The following GARS1 variants were observed in gnomAD, a reference collection of about 807,000 sequenced individuals.
GARS1 encodes glycine--tRNA ligase.
GARS1 carries 46 observed loss-of-function variants against 86.4 expected under a neutral mutation model. The observed-to-expected ratio is 0.53, with a 90% confidence interval of 0.42 to 0.68. The LOEUF is 0.68. GARS1 is among the 30% of genes least tolerant of loss of function. The pLI, the probability that GARS1 is intolerant of heterozygous loss-of-function variation, is 0.00. For missense variants in GARS1, 797 were observed against 915.6 expected, an observed-to-expected ratio of 0.87 and a Z score of 1.67; for synonymous variants, 342 against 329.8, an observed-to-expected ratio of 1.04 and a Z score of -0.40.
At position 30,632,183 on chromosome 7, in the gene GARS1, G is replaced by A. The variant is rs535256516; in HGVS notation, c.1904-64G>A. Reference sequence around the variant, plus strand: ...AGTCTCCTGAGCTTGTAAGACAGTAGTTAGATAACACTGGGCTTAACTCCA... The same window carrying A: ...AGTCTCCTGAGCTTGTAAGACAGTAATTAGATAACACTGGGCTTAACTCCA... On this transcript the variant is annotated intron_variant, in intron 15 of 16. Transcript: ENST00000389266. The surrounding 1 kb of genome is among the most constrained non-coding windows in gnomAD (Gnocchi z 4.1). 71 of 1,496,290 alleles carry A rather than the reference G, an allele frequency of 4.7e-5. 1 individual carries two copies. The highest frequency in any genetic ancestry group is 3.4e-4 in the Middle Eastern group (2 of 5,866). 92.7% of individuals were successfully genotyped at this position (1,496,290 alleles called of 1,614,324 possible). A position where few individuals can be genotyped will look rare whatever the true frequency, so the allele number is the denominator to read the frequency against.
At position 30,621,412 on chromosome 7, in the gene GARS1, G is replaced by C. The variant is rs924595179; in HGVS notation, c.1379G>C (p.Gly460Ala). 14 of 1,614,042 alleles carry C rather than the reference G, an allele frequency of 8.7e-6. No homozygotes were observed. The highest frequency in any genetic ancestry group is 1.2e-5 in the Non-Finnish European group (14 of 1,179,958). Residue 460 changes from glycine to alanine, a missense_variant, in exon 11 of 17, where the codon GGA (glycine) becomes GCA (alanine). Physicochemically the swap from Gly to Ala is moderately conservative, Grantham distance 60. Transcript: ENST00000389266. Reference protein sequence around the residue: ...KTSYGWIEIVGCADRSCYDLS... With the variant: ...KTSYGWIEIVACADRSCYDLS... ...TTTTAGGGTTGGATTGAGATTGTTG[G>C]ATGTGCTGATCGTTCCTGTTATGAC...
At chr7:30,623,708 T>C (rs1423578895) in intron 12 of GARS1, among the ~76,000 whole-genome samples, 1 of 152,010 alleles carries the variant, frequency 6.6e-6, no homozygotes, top group Non-Finnish European at 1.5e-5. Context: ...ACGCTAAAAC[T>C]ACAGATTCAA....
chr7:30,600,817 T>A (rs1219038564), intron 3 of GARS1, among the ~76,000 whole-genome samples: 1 of 152,228 alleles, frequency 6.6e-6, no homozygotes, highest in East Asian at 1.9e-4. Flanking sequence ...GGGGAACTTT[T>A]GTTGTAGATT....
chr7:30,602,018 G>A (rs918745800), intron 4 of GARS1, among the ~76,000 whole-genome samples: 50 of 150,528 alleles, frequency 3.3e-4, no homozygotes, highest in Non-Finnish European at 5.8e-4. Flanking sequence ...TCCTGACCTC[G>A]TGATCCGCCC....
intron 6 of GARS1, among the ~76,000 whole-genome samples, chr7:30,606,081 G>A (rs977453137): frequency 6.6e-6 from 1 of 151,920 alleles, no homozygotes; most frequent in South Asian, 2.1e-4. Context: ...GGCTAATTAC[G>A]TTATTGTAGT....
chr7:30,601,734 A>G (rs1791380851), intron 4 of GARS1, among the ~76,000 whole-genome samples: 1 of 152,192 alleles, frequency 6.6e-6, no homozygotes, highest in Non-Finnish European at 1.5e-5. Context: ...TCAATGCAGA[A>G]ACTTAGATTA....
chr7:30,603,173 A>G lies in GARS1; in HGVS notation c.658+51A>G, dbSNP rs552204599. ...AGGATTGATCAAAATAAAAGGTTTA[A>G]ACTTTCTCTCAGATGTCTTTCATTA... On this transcript the variant is annotated intron_variant, in intron 5 of 16. Transcript: ENST00000389266. 4.6e-5 allele frequency: 68 copies of G among 1,462,528 alleles called. 1 individual carries two copies. The highest frequency in any genetic ancestry group is 3.3e-4 in the South Asian group (29 of 87,842). 90.6% of individuals were successfully genotyped at this position (1,462,528 alleles called of 1,614,324 possible). A position where few individuals can be genotyped will look rare whatever the true frequency, so the allele number is the denominator to read the frequency against.
intron 9 of GARS1, among the ~76,000 whole-genome samples, chr7:30,616,822 A>G (rs1245646084): frequency 6.6e-6 from 1 of 152,168 alleles, no homozygotes; most frequent in African/African-American, 2.4e-5. Context: ...TGTTTTTAGT[A>G]CTGTAGATTT....
chr7:30,623,990 A>G (rs1483375035), intron 12 of GARS1, among the ~76,000 whole-genome samples: 1 of 152,240 alleles, frequency 6.6e-6, no homozygotes, highest in African/African-American at 2.4e-5. Context: ...AAGAGGAAGT[A>G]CTTTAAGACC....
intron 12 of GARS1, 47 bp from the exon 13 acceptor site, chr7:30,626,187 A>G (rs1410653401): frequency 8.5e-7 from 1 of 1,174,646 alleles, no homozygotes; most frequent in African/African-American, 1.5e-5. Context: ...ATTAAGGCAC[A>G]GGGTGCCTGT....
At position 30,633,899 on chromosome 7, in the gene GARS1, A is replaced by T. The variant is rs1425874932; in HGVS notation, c.*39A>T. On this transcript the variant is annotated 3_prime_UTR_variant, in exon 17 of 17. Transcript: ENST00000389266. ...AACTTTTGACCACTTGCGCTAATAA[A>T]AAAAAAAAAAAACTACTCTTATGTC... 2.9e-6 allele frequency: 4 copies of T among 1,366,792 alleles called. No individual in the cohort carries two copies. Among genetic ancestry groups the T allele is most frequent in the African/African-American group, 3.3e-5 (2 of 60,546 alleles). The allele number at this position is 1,366,792 out of a possible 1,614,324, so 84.7% of individuals were successfully genotyped here.
At chr7:30,602,990 A>G (rs774285138) in intron 4 of GARS1, 44 bp from the exon 5 acceptor site, 1 of 1,313,374 alleles carries the variant, frequency 7.6e-7, no homozygotes, top group East Asian at 2.3e-5. Flanking sequence ...TCTATGTGTA[A>G]TTTGTATGAG....
chr7:30,603,454 CT>C, intron 5 of GARS1, 41 bp from the exon 6 acceptor site: 2 of 1,512,724 alleles, frequency 1.3e-6, no homozygotes. Flanking sequence ...GTGCATTGTC[CT>C]TTTTCCCATT....
chr7:30,608,010 T>C (rs1442962778), intron 6 of GARS1, among the ~76,000 whole-genome samples: 1 of 152,216 alleles, frequency 6.6e-6, no homozygotes, highest in Non-Finnish European at 1.5e-5. Context: ...TCATAGTATA[T>C]AGAGATTGCC....
intron 1 of GARS1, among the ~76,000 whole-genome samples, chr7:30,596,694 A>G (rs1272798957): frequency 1.3e-5 from 2 of 152,248 alleles, no homozygotes; most frequent in East Asian, 3.8e-4. Flanking sequence ...TTTTCCGAAT[A>G]TACGAGTTAG....
chr7:30,601,278 A>G (rs989744262), intron 4 of GARS1, 78 bp downstream of exon 4: 3 of 1,266,952 alleles, frequency 2.4e-6, no homozygotes, highest in Non-Finnish European at 3.3e-6. Context: ...ACTTATCTAA[A>G]TAACTTCCTG....
intron 14 of GARS1, among the ~76,000 whole-genome samples, chr7:30,628,930 G>A (rs1783184033): frequency 6.6e-6 from 1 of 152,120 alleles, no homozygotes; most frequent in African/African-American, 2.4e-5. Flanking sequence ...ATTACTTTGG[G>A]GAACAATCTA....
At chr7:30,615,865 G>A (rs375335228) in intron 8 of GARS1, 31 bp from the exon 9 acceptor site, 3 of 1,611,458 alleles carry the variant, frequency 1.9e-6, no homozygotes, top group African/African-American at 2.7e-5. Flanking sequence ...AGTTAAATAT[G>A]CAGGTTTATC....
At chr7:30,611,087 G>A (rs1016098086) in intron 7 of GARS1, among the ~76,000 whole-genome samples, 14 of 152,266 alleles carry the variant, frequency 9.2e-5, no homozygotes, top group South Asian at 2.1e-4. Flanking sequence ...CATTGGGAGC[G>A]TTTCCTTAGT....
Sources: allele counts gnomAD v4.1 joint callset (sites outside exome capture counted in the v4.1 genomes callset), GRCh38; gene constraint gnomAD v4.1.1; non-coding constraint Gnocchi (gnomAD v3.1); transcripts MANE v1.5; gene names NCBI Gene and HGNC (gene_info 2026-07-23, HGNC 2026-07-21).